Variants in NADK2 observed in about 807,000 individuals in gnomAD.
NADK2 encodes the protein NAD kinase 2, mitochondrial, also known as NAD kinase domain-containing protein 1, mitochondrial.
A neutral mutation model predicts 62.1 loss-of-function variants in NADK2; 35 were observed. That is an observed-to-expected ratio of 0.56 (90% confidence interval 0.43 to 0.75). The LOEUF is 0.75. Among genes scored for constraint, NADK2 ranks in the 30% least tolerant of loss-of-function variants. NADK2 has a pLI of 0.00. For missense variants in NADK2, 439 were observed against 561.3 expected, an observed-to-expected ratio of 0.78 and a Z score of 2.20; for synonymous variants, 205 against 207.9, an observed-to-expected ratio of 0.99 and a Z score of 0.12.
rs112922932 is a variant in NADK2, at chr5:36,220,424, T to C, written c.561-745A>G. ...TCCAGAAGGCTCAGTCATCATCATTTAATGATACTCCAATCTTGAAGAAAA... is the reference window on the plus strand; with the variant it reads ...TCCAGAAGGCTCAGTCATCATCATTCAATGATACTCCAATCTTGAAGAAAA... On this transcript the variant is annotated intron_variant, in intron 4 of 11. Transcript: ENST00000381937. Among the ~76,000 whole-genome samples the C allele has an allele frequency of 1.9e-3, 288 of 152,300 alleles. 3 individuals are homozygous for C. The highest frequency in any genetic ancestry group is 6.4e-3 in the African/African-American group (268 of 41,566).
rs965778796 is a variant in NADK2 at position 36,241,038 on chromosome 5, C to T, written c.300+461G>A. On this transcript the variant is annotated intron_variant, in intron 1 of 11. Coordinates refer to ENST00000381937, the MANE Select transcript of NADK2 (RefSeq NM_001085411.3). This position sits in a 1 kb window ranked among gnomAD's most constrained non-coding sequence, Gnocchi z 4.9. ...GTTTCGGCCCTTTTCCCCCGGCAGC[C>T]CTCAGCGGCGCCCTGGGCCCCCTTT... Among the ~76,000 whole-genome samples the T allele has an allele frequency of 6.6e-6, 1 of 152,200 alleles. No individual in the cohort carries two copies. Among genetic ancestry groups the T allele is most frequent in the Non-Finnish European group, 1.5e-5 (1 of 68,018 alleles).
intron 7 of NADK2, among the ~76,000 whole-genome samples, chr5:36,207,586 C>G (rs562658172): frequency 6.6e-6 from 1 of 152,128 alleles, no homozygotes; most frequent in East Asian, 1.9e-4. Flanking sequence ...CTAACATATA[C>G]AGAGCCTCAT....
intron 9 of NADK2, 74 bp downstream of exon 9, chr5:36,201,032 C>T: frequency 7.9e-7 from 1 of 1,264,260 alleles, no homozygotes; most frequent in Non-Finnish European, 1.2e-6. Flanking sequence ...AAGGTTTCAG[C>T]ATTCACTGGG....
rs764981562 is a variant in NADK2 at position 36,205,518 on chromosome 5, A to G, written c.956+1652T>C. ...GTAGGGCAGGAATAAGGCCAATAAGATCGCTAAGGTCATATGTTAAAGGGC... is the reference window on the plus strand; with the variant it reads ...GTAGGGCAGGAATAAGGCCAATAAGGTCGCTAAGGTCATATGTTAAAGGGC... On this transcript the variant is annotated intron_variant, in intron 8 of 11. Coordinates refer to ENST00000381937, the MANE Select transcript of NADK2 (RefSeq NM_001085411.3). The surrounding 1 kb of genome is among the most constrained non-coding windows in gnomAD (Gnocchi z 4.1). Among the ~76,000 whole-genome samples the G allele has an allele frequency of 6.6e-6, 1 of 152,090 alleles. No homozygotes were observed. The highest frequency in any genetic ancestry group is 1.5e-5 in the Non-Finnish European group (1 of 68,002).
chr5:36,222,644 T>C (rs13185969), intron 4 of NADK2, among the ~76,000 whole-genome samples: 74,204 of 152,058 alleles, frequency 0.49, 19,214 homozygotes, highest in Non-Finnish European at 0.58. Context: ...GAAGTGGATA[T>C]AATCAATTAG....
chr5:36,213,813 C>A (rs1297461032), intron 6 of NADK2, among the ~76,000 whole-genome samples: 2 of 151,750 alleles, frequency 1.3e-5, no homozygotes, highest in African/African-American at 4.8e-5. Context: ...AGATTACTAT[C>A]CCCACAGATT....
At chr5:36,216,440 A>G (rs1368774207) in intron 6 of NADK2, among the ~76,000 whole-genome samples, 1 of 151,832 alleles carries the variant, frequency 6.6e-6, no homozygotes, top group African/African-American at 2.4e-5. Context: ...CCATTTGTCT[A>G]TTTTGTTTTT....
intron 1 of NADK2, among the ~76,000 whole-genome samples, chr5:36,235,466 G>GT (rs1322043555): frequency 1.4e-4 from 21 of 152,158 alleles, no homozygotes; most frequent in Admixed American, 3.9e-4. Flanking sequence ...GGAAAAGCAG[G>GT]TATTACTATA....
At chr5:36,224,461 G>A (rs1747400202) in intron 4 of NADK2, among the ~76,000 whole-genome samples, 1 of 151,700 alleles carries the variant, frequency 6.6e-6, no homozygotes, top group African/African-American at 2.4e-5. Context: ...GGAGGCTGAG[G>A]CAGAAGAATT....
chr5:36,199,080 T>A (rs1350275014), intron 10 of NADK2, among the ~76,000 whole-genome samples: 1 of 151,804 alleles, frequency 6.6e-6, no homozygotes, highest in Non-Finnish European at 1.5e-5. Context: ...AGGAATAGCA[T>A]TAGGAGATAT....
At chr5:36,206,960 C>T (rs1191208657) in intron 8 of NADK2, among the ~76,000 whole-genome samples, 5 of 151,994 alleles carry the variant, frequency 3.3e-5, no homozygotes, top group African/African-American at 1.2e-4. Context: ...AAACCTAGTG[C>T]TCAATAATGA....
chr5:36,225,634 T>C lies in NADK2; in HGVS notation c.479-11A>G, dbSNP rs2112162447. ...GCATTGTGCCATCACCTAAGGAACATAAGACAAAATACAAGACATAACCAA... is the reference window on the plus strand; with the variant it reads ...GCATTGTGCCATCACCTAAGGAACACAAGACAAAATACAAGACATAACCAA... On this transcript the variant is annotated splice_polypyrimidine_tract_variant and intron_variant, in intron 3 of 11. Transcript: ENST00000381937. The C allele has an allele frequency of 3.1e-6, 5 of 1,608,178 alleles. No individual in the cohort carries two copies. Among genetic ancestry groups the C allele is most frequent in the Non-Finnish European group, 4.2e-6 (5 of 1,177,884 alleles).
chr5:36,206,731 G>T (rs1746655076), intron 8 of NADK2, among the ~76,000 whole-genome samples: 1 of 151,964 alleles, frequency 6.6e-6, no homozygotes, highest in African/African-American at 2.4e-5. Context: ...CATTTATGTG[G>T]AATGTACTAA....
At chr5:36,199,543 C>T (rs767697167) in intron 10 of NADK2, among the ~76,000 whole-genome samples, 1 of 152,010 alleles carries the variant, frequency 6.6e-6, no homozygotes, top group Non-Finnish European at 1.5e-5. Context: ...CAGTGTGTTA[C>T]AATCTGATAC....
At chr5:36,242,222 C>G (rs555267121), upstream of NADK2, 1 of 152,530 alleles carries the variant, frequency 6.6e-6, no homozygotes, top group Admixed American at 6.5e-5. Context: ...GGCTCCGGAT[C>G]CGAGGGGCCG....
intron 6 of NADK2, among the ~76,000 whole-genome samples, chr5:36,214,025 A>C (rs1746953261): frequency 6.6e-6 from 1 of 152,138 alleles, no homozygotes; most frequent in Admixed American, 6.6e-5. Context: ...CTTTTGTCAA[A>C]TGAGTTTGAC....
At chr5:36,196,682 A>C (rs1746245043) in intron 11 of NADK2, among the ~76,000 whole-genome samples, 1 of 152,118 alleles carries the variant, frequency 6.6e-6, no homozygotes, top group African/African-American at 2.4e-5. Flanking sequence ...CATGTTTAAG[A>C]AATCTTTTCC....
rs369476638 is a variant in NADK2, at chr5:36,217,732, T to A, written c.781+16A>T. The A allele has an allele frequency of 5.6e-6, 9 of 1,613,554 alleles. No individual in the cohort carries two copies. The African/African-American group carries it at 1.2e-4, about 22-fold the overall frequency. ...TAAATATTTCCCCAAACACATCTGA[T>A]GCCCAATCCACCTACTTTCATCATG... On this transcript the variant is annotated intron_variant, in intron 6 of 11. Coordinates refer to ENST00000381937, the MANE Select transcript of NADK2 (RefSeq NM_001085411.3).
chr5:36,239,146 T>G (rs561020820), intron 1 of NADK2, among the ~76,000 whole-genome samples: 7 of 152,314 alleles, frequency 4.6e-5, no homozygotes, highest in African/African-American at 1.7e-4. Flanking sequence ...CTCAAGCACT[T>G]GGCCACTTTC....
Sources: gnomAD v4.1 joint callset for allele counts (sites outside exome capture counted in the v4.1 genomes callset) on GRCh38, gnomAD v4.1.1 for gene constraint, Gnocchi (gnomAD v3.1) non-coding constraint, MANE v1.5 for transcripts, NCBI Gene and HGNC (gene_info 2026-07-23, HGNC 2026-07-21) for gene names.